The following SGCZ variants were observed in gnomAD, a reference collection of about 807,000 sequenced individuals.
SGCZ encodes the protein sarcoglycan zeta.
In SGCZ, 40 loss-of-function variants were observed where a neutral mutation model predicts 41.3. The observed-to-expected ratio is 0.97, with a 90% CI of 0.75 to 1.26. The LOEUF (loss-of-function observed/expected upper bound fraction) is 1.26. SGCZ is among the 50% of genes most tolerant of loss of function. The pLI, the probability that SGCZ is intolerant of heterozygous loss-of-function variation, is 0.00. For missense variants in SGCZ, 552 were observed against 369.8 expected (o/e 1.49, Z -4.04); for synonymous variants, 206 against 137.5 (o/e 1.50, Z -3.49).
chr8:14,262,083 T>C (rs1281455656), intron 3 of SGCZ, among the ~76,000 whole-genome samples: 1 of 152,182 alleles, frequency 6.6e-6, no homozygotes, highest in African/African-American at 2.4e-5. Flanking sequence ...TGTGACACAT[T>C]ACTCCTTGCA....
chr8:14,961,467 T>C (rs1475378616), intron 1 of SGCZ, among the ~76,000 whole-genome samples: 1 of 152,110 alleles, frequency 6.6e-6, no homozygotes, highest in East Asian at 1.9e-4. Flanking sequence ...TACCATACAA[T>C]AAGGTATTTT....
chr8:14,277,458 C>T (rs1366732068), intron 3 of SGCZ, among the ~76,000 whole-genome samples: 1 of 152,124 alleles, frequency 6.6e-6, no homozygotes, highest in African/African-American at 2.4e-5. Context: ...AAAAGTGCTC[C>T]TAACACATGT....
intron 1 of SGCZ, among the ~76,000 whole-genome samples, chr8:14,808,718 T>A (rs1274864330): frequency 6.6e-6 from 1 of 151,976 alleles, no homozygotes; most frequent in African/African-American, 2.4e-5. Flanking sequence ...GACCCAGCCA[T>A]CCCATTACTG....
intron 1 of SGCZ, among the ~76,000 whole-genome samples, chr8:15,118,503 T>A (rs1252845509): frequency 3.3e-5 from 5 of 152,150 alleles, no homozygotes; most frequent in African/African-American, 4.8e-5. Flanking sequence ...TCCAGTCATT[T>A]CTTTTCTCCA....
intron 1 of SGCZ, among the ~76,000 whole-genome samples, chr8:15,023,972 C>A (rs1037536676): frequency 6.6e-6 from 1 of 152,138 alleles, no homozygotes; most frequent in Non-Finnish European, 1.5e-5. Flanking sequence ...GTGCAGAATA[C>A]AGGGACCAGG....
At chr8:14,768,061 T>C (rs916642680) in intron 1 of SGCZ, among the ~76,000 whole-genome samples, 9 of 152,178 alleles carry the variant, frequency 5.9e-5, no homozygotes, top group African/African-American at 2.2e-4. Flanking sequence ...GAAAATAGGA[T>C]TTTAGTCCAA....
At chr8:14,730,914 G>T (rs1447064571) in intron 1 of SGCZ, among the ~76,000 whole-genome samples, 2 of 151,912 alleles carry the variant, frequency 1.3e-5, no homozygotes, top group African/African-American at 4.8e-5. Flanking sequence ...TGGAGAAAGA[G>T]GAACAATTTT....
At chr8:14,801,772 A>T (rs954695956) in intron 1 of SGCZ, among the ~76,000 whole-genome samples, 1 of 152,210 alleles carries the variant, frequency 6.6e-6, no homozygotes, top group Non-Finnish European at 1.5e-5. Flanking sequence ...CTGACAAAAA[A>T]TCAAAATGTT....
chr8:14,349,995 T>G (rs1803029232), intron 2 of SGCZ, among the ~76,000 whole-genome samples: 1 of 152,166 alleles, frequency 6.6e-6, no homozygotes, highest in Admixed American at 6.6e-5. Context: ...TTAAATCCTT[T>G]ATGGCATAAG....
intron 1 of SGCZ, among the ~76,000 whole-genome samples, chr8:14,568,306 G>C (rs540524035): frequency 7.9e-5 from 12 of 151,902 alleles, no homozygotes; most frequent in African/African-American, 2.4e-4. Flanking sequence ...CCTAGATCAT[G>C]GGTTGATAGG....
In SGCZ at chr8:14,226,938, G is replaced by A. The variant is rs574951249; in HGVS notation, c.424+10654C>T. Among the ~76,000 whole-genome samples, 4 of 152,190 alleles carry A rather than the reference G, an allele frequency of 2.6e-5. No individual in the cohort carries two copies. The East Asian group carries it at 7.7e-4, about 29-fold the overall frequency. ...TCTCAAAGCCTGAAATGTGAAAACAGGTATGGTCAATTTCTTAATGTGTAA... is the reference window on the plus strand; with the variant it reads ...TCTCAAAGCCTGAAATGTGAAAACAAGTATGGTCAATTTCTTAATGTGTAA... On this transcript the variant is annotated intron_variant, in intron 4 of 7. Coordinates refer to ENST00000382080, the MANE Select transcript of SGCZ (RefSeq NM_139167.4).
At chr8:14,747,879 A>ATTTTTTTTTTTTT (rs375144725) in intron 1 of SGCZ, among the ~76,000 whole-genome samples, 1 of 130,338 alleles carries the variant, frequency 7.7e-6, no homozygotes, top group Non-Finnish European at 1.6e-5. Flanking sequence ...CAACTGACTA[A>ATTTTTTTTTTTTT]TTTTTTTTTT....
intron 2 of SGCZ, among the ~76,000 whole-genome samples, chr8:14,542,723 G>T (rs1454258545): frequency 1.3e-5 from 2 of 151,940 alleles, no homozygotes; most frequent in Non-Finnish European, 2.9e-5. Context: ...AACTTTTGCA[G>T]TGTTTTGGTT....
At chr8:14,526,360 T>C (rs1435400233) in intron 2 of SGCZ, among the ~76,000 whole-genome samples, 1 of 152,130 alleles carries the variant, frequency 6.6e-6, no homozygotes. Context: ...TCTTTTCTAT[T>C]TGATGACAGC....
rs191282094 is a variant in SGCZ, at chr8:14,647,885, C to T, written c.40-92959G>A. ...CAGCCTTACAGTTCTGTGACCCTTA[C>T]GACAACATTTCATTATTTAATTCTT... On this transcript the variant is annotated intron_variant, in intron 1 of 7. Transcript: ENST00000382080. 5.9e-5 allele frequency among the ~76,000 whole-genome samples: 9 copies of T among 152,042 alleles called. 1 individual carries two copies. The Middle Eastern group carries it at 0.014, about 231-fold the overall frequency.
chr8:14,814,325 T>C (rs1801830616), intron 1 of SGCZ, among the ~76,000 whole-genome samples: 1 of 152,082 alleles, frequency 6.6e-6, no homozygotes, highest in Admixed American at 6.5e-5. Flanking sequence ...GCTCTAAAAC[T>C]AGGGCCCTGT....
intron 2 of SGCZ, among the ~76,000 whole-genome samples, chr8:14,459,751 C>G (rs1044893494): frequency 1.5e-4 from 23 of 152,016 alleles, no homozygotes; most frequent in African/African-American, 5.6e-4. Context: ...GAAAAGGGAA[C>G]ACTACTATGG....
chr8:14,188,742 G>T (rs1804987670), intron 4 of SGCZ, among the ~76,000 whole-genome samples: 1 of 151,018 alleles, frequency 6.6e-6, no homozygotes, highest in African/African-American at 2.4e-5. Flanking sequence ...AAGTTTCATT[G>T]ATTCATCCTT....
At chr8:14,914,910 T>A (rs1799382363) in intron 1 of SGCZ, among the ~76,000 whole-genome samples, 1 of 152,146 alleles carries the variant, frequency 6.6e-6, no homozygotes, top group Non-Finnish European at 1.5e-5. Flanking sequence ...TCCCCCCAGA[T>A]CATTTTTATT....
Sources: gnomAD v4.1 joint callset for allele counts (sites outside exome capture counted in the v4.1 genomes callset) on GRCh38, gnomAD v4.1.1 for gene constraint, MANE v1.5 for transcripts, NCBI Gene and HGNC (gene_info 2026-07-23, HGNC 2026-07-21) for gene names.